The following PPM1J variants were observed in gnomAD, a reference collection of about 807,000 sequenced individuals.
PPM1J encodes the protein protein phosphatase, Mg2+/Mn2+ dependent 1J, also known as protein phosphatase 1J.
In PPM1J, 43 loss-of-function variants were observed where a neutral mutation model predicts 53.3. That is an observed-to-expected ratio of 0.81 (90% CI 0.63 to 1.04). The LOEUF (loss-of-function observed/expected upper bound fraction) is 1.04. Ranked by LOEUF, PPM1J falls within the 50% of genes least tolerant of loss-of-function variation. The pLI is 0.00. For synonymous variants in PPM1J, 267 were observed against 286.4 expected (o/e 0.93, Z 0.68); for missense variants, 635 against 685.9 (o/e 0.93, Z 0.83).
chr1:112,711,907 A>G (rs2101480819), intron 5 of PPM1J, 64 bp downstream of exon 5: 2 of 1,172,496 alleles, frequency 1.7e-6, no homozygotes, highest in Middle Eastern at 2.3e-4. Flanking sequence ...TCTCAGGGCC[A>G]TGGGGTGCAG....
chr1:112,711,147 C>G, intron 6 of PPM1J, 76 bp from the exon 7 acceptor site: 1 of 1,507,784 alleles, frequency 6.6e-7, no homozygotes, highest in African/African-American at 1.4e-5. Context: ...TACCCTCACA[C>G]AAACCCCTTA....
Position 112,710,106 on chromosome 1 carries a change from T to C in PPM1J, c.*57A>G, listed in dbSNP as rs1675021065. ...GGGTCAGGGAGACAACTTCAGAATT[T>C]GGGCTGTGAGAGGAGTAAGTATGGA... On this transcript the variant is annotated 3_prime_UTR_variant, in exon 10 of 10. Transcript: ENST00000309276. 3.3e-6 allele frequency: 5 copies of C among 1,494,820 alleles called. No homozygotes were observed. The African/African-American group carries it at 5.6e-5, about 17-fold the overall frequency. The allele number at this position is 1,494,820 out of a possible 1,614,324, so 92.6% of individuals were successfully genotyped here.
intron 1 of PPM1J, chr1:112,714,712 G>A: frequency 8.1e-7 from 1 of 1,231,344 alleles, no homozygotes; most frequent in Non-Finnish European, 1.0e-6. Flanking sequence ...TCCGGGCTCT[G>A]GGGCAGAACA....
At position 112,715,165 on chromosome 1, in the gene PPM1J, G is replaced by C; in HGVS notation, c.137C>G (p.Pro46Arg). The C allele has an allele frequency of 6.6e-7, 1 of 1,523,212 alleles. No individual in the cohort carries two copies. Among genetic ancestry groups the C allele is most frequent in the African/African-American group, 1.4e-5 (1 of 69,842 alleles). 94.4% of individuals were successfully genotyped at this position (1,523,212 alleles called of 1,614,324 possible). ...PAAAPEAPRSPPAKAGSGSAT... is the reference protein window; with the variant it reads ...PAAAPEAPRSRPAKAGSGSAT... ...GCTCCCGCTCCCAGCCTTCGCGGGA[G>C]GGCTCCTGGGCGCTTCTGGAGCGGC... Residue 46 changes from proline to arginine, a missense_variant, in exon 1 of 10, where the codon CCT becomes CGT. By Grantham distance (103) the Pro-to-Arg change is moderately radical. Coordinates refer to ENST00000309276, the MANE Select transcript of PPM1J (RefSeq NM_005167.7). This position sits in a 1 kb window ranked among gnomAD's most constrained non-coding sequence, Gnocchi z 4.4.
At position 112,712,335 on chromosome 1, in the gene PPM1J, TC is replaced by T; in HGVS notation, c.842+9del. The T allele has an allele frequency of 6.3e-7, 1 of 1,594,986 alleles. No individual in the cohort carries two copies. Among genetic ancestry groups the T allele is most frequent in the Non-Finnish European group, 8.6e-7 (1 of 1,168,602 alleles). ...CCTCTGTCGCCACCTTGGAGCCCCC[TC>T]CCCCATACCTGCTATCGCCTGCATT... On this transcript the variant is annotated intron_variant, in intron 4 of 9. Transcript: ENST00000309276.
At position 112,715,031 on chromosome 1, in the gene PPM1J, C is replaced by G. The variant is rs758319278; in HGVS notation, c.271G>C (p.Val91Leu). 2.2e-5 allele frequency: 33 copies of G among 1,516,164 alleles called. No homozygotes were observed. The highest frequency in any genetic ancestry group is 2.7e-5 in the Non-Finnish European group (31 of 1,140,554). 93.9% of individuals were successfully genotyped at this position (1,516,164 alleles called of 1,614,324 possible). A position where few individuals can be genotyped will look rare whatever the true frequency, so the allele number is the denominator to read the frequency against. ...RRADDHAGRAVQSPPDTGRRL... is the reference protein window; with the variant it reads ...RRADDHAGRALQSPPDTGRRL... Reference sequence around the variant, plus strand: ...CGGCCCGTGTCCGGGGGGCTTTGCACAGCCCGGCCCGCGTGGTCATCGGCG... The same window carrying G: ...CGGCCCGTGTCCGGGGGGCTTTGCAGAGCCCGGCCCGCGTGGTCATCGGCG... Residue 91 changes from valine to leucine, a missense_variant, in exon 1 of 10, where the codon GTG becomes CTG. Transcript: ENST00000309276. This position sits in a 1 kb window ranked among gnomAD's most constrained non-coding sequence, Gnocchi z 4.4.
chr1:112,712,399 A>T lies in PPM1J; in HGVS notation c.788T>A (p.Leu263Gln). 1.2e-6 allele frequency: 2 copies of T among 1,613,776 alleles called. No homozygotes were observed. Among genetic ancestry groups the T allele is most frequent in the Non-Finnish European group, 1.7e-6 (2 of 1,179,902 alleles). ...GHQVEGGCCA[L>Q]VVIYLLGKVY... ...CTTGCCTAGCAGGTAGATCACAACCAGTGCACAGCAGCCCCCCTCCACTTG... is the reference window on the plus strand; with the variant it reads ...CTTGCCTAGCAGGTAGATCACAACCTGTGCACAGCAGCCCCCCTCCACTTG... The change falls in exon 4 of 10, where the codon CTG becomes CAG. Residue 263 changes from leucine (L) to glutamine (Q), a missense_variant. Coordinates refer to ENST00000309276, the MANE Select transcript of PPM1J (RefSeq NM_005167.7).
rs1675102718 is a variant in PPM1J at position 112,712,958 on chromosome 1, A to G, written c.515T>C (p.Leu172Pro). 1.2e-6 allele frequency: 2 copies of G among 1,613,736 alleles called. No homozygotes were observed. Among genetic ancestry groups the G allele is most frequent in the East Asian group, 2.2e-5 (1 of 44,888 alleles). The change falls in exon 3 of 10, where the codon CTC (leucine) becomes CCC (proline). Residue 172 changes from leucine to proline, a missense_variant. Transcript: ENST00000309276. ...GGGAAEMASR[L>P]LHRHIREQLK... ...CTGCTCTCGGATATGGCGATGCAGG[A>G]GCCGTGAGGCCATTTCAGCAGCTCC...
Position 112,714,963 on chromosome 1 carries a change from A to AG in PPM1J, c.326+12dup. 7.2e-7 allele frequency: 1 copy of AG among 1,385,008 alleles called. No individual in the cohort carries two copies. The highest frequency in any genetic ancestry group is 3.0e-5 in the East Asian group (1 of 33,116). 85.8% of individuals were successfully genotyped at this position (1,385,008 alleles called of 1,614,324 possible). On this transcript the variant is annotated intron_variant, in intron 1 of 9. Coordinates refer to ENST00000309276, the MANE Select transcript of PPM1J (RefSeq NM_005167.7). ...AGCCCCATCCTGGTTTGGGTGCCCC[A>AG]GGGGGCGCTCACTCGGCGTAGCCTG...
chr1:112,711,918 G>A, intron 5 of PPM1J, 53 bp downstream of exon 5: 2 of 1,295,250 alleles, frequency 1.5e-6, no homozygotes. Flanking sequence ...TGGGGTGCAG[G>A]GAGGCACAAG....
At chr1:112,713,407 G>A in intron 2 of PPM1J, 90 bp downstream of exon 2, 3 of 872,782 alleles carry the variant, frequency 3.4e-6, no homozygotes, top group Non-Finnish European at 5.8e-6. Flanking sequence ...GAGTTCATCA[G>A]GTCTTCCGCA....
chr1:112,710,327 T>C lies in PPM1J; in HGVS notation c.1371-17A>G. 1.2e-6 allele frequency: 2 copies of C among 1,613,032 alleles called. No homozygotes were observed. The highest frequency in any genetic ancestry group is 1.7e-6 in the Non-Finnish European group (2 of 1,179,634). ...GCTGTATACCTGCCAGGAGCACACA[T>C]GCACATTCATGTACCAACATGTATG... On this transcript the variant is annotated splice_polypyrimidine_tract_variant and intron_variant, in intron 9 of 9. Transcript: ENST00000309276.
rs189272703 is a variant in PPM1J, at chr1:112,712,069, G to C, written c.843-14C>G. The C allele has an allele frequency of 8.6e-3, 13,742 of 1,598,166 alleles. 72 individuals are homozygous for C. The highest frequency in any genetic ancestry group is 0.014 in the Middle Eastern group (83 of 6,004). On this transcript the variant is annotated splice_polypyrimidine_tract_variant and intron_variant, in intron 4 of 9. Transcript: ENST00000309276. ...ACAATGATGGCCCTGCCCAAAGAAA[G>C]AAAAGGAATTGGGACCTGGTTCTCT... is the stretch of plus-strand genomic sequence containing the variant.
rs1417737362 is a variant in PPM1J at position 112,713,428 on chromosome 1, T to A, written c.441+69A>T. The A allele has an allele frequency of 1.1e-5, 13 of 1,135,924 alleles. No homozygotes were observed. The Admixed American group carries it at 1.4e-4, about 12-fold the overall frequency. 70.4% of individuals were successfully genotyped at this position (1,135,924 alleles called of 1,614,324 possible). On this transcript the variant is annotated intron_variant, in intron 2 of 9. Transcript: ENST00000309276. ...ATCAGGTCTTCCGCATGGCTCAGAT[T>A]TAAAACCAGAGGCCTGAGTCCCTGG...
At chr1:112,711,160 A>T (rs1675047441) in intron 6 of PPM1J, 89 bp from the exon 7 acceptor site, 1 of 1,477,718 alleles carries the variant, frequency 6.8e-7, no homozygotes, top group Non-Finnish European at 9.5e-7. Context: ...ACCCCTTAGA[A>T]GGGCCACATC....
chr1:112,710,601 T>C lies in PPM1J; in HGVS notation c.1229A>G (p.Tyr410Cys), dbSNP rs1178193074. Residue 410 changes from tyrosine to cysteine, a missense_variant, in exon 9 of 10, where the codon TAT becomes TGT. Transcript: ENST00000309276. ...FLSCFPEVRV[Y>C]DLTQYEHCPD... is the part of the protein sequence containing the mutation. The stretch of plus-strand genomic sequence containing the variant: ...GCAGTGCTCATATTGTGTCAGGTCA[T>C]ACACTCGTACCTGGTGGGAGAAAAG... The C allele has an allele frequency of 1.2e-6, 2 of 1,614,136 alleles. No individual in the cohort carries two copies. Among genetic ancestry groups the C allele is most frequent in the Non-Finnish European group, 8.5e-7 (1 of 1,180,018 alleles).
chr1:112,713,164 G>T, intron 2 of PPM1J, 133 bp from the exon 3 acceptor site: 1 of 878,030 alleles, frequency 1.1e-6, no homozygotes, highest in Non-Finnish European at 1.7e-6. Flanking sequence ...GTTTGCTACT[G>T]AAGGCAAATT....
rs1675039843 is a variant in PPM1J at position 112,710,860 on chromosome 1, AATG to A, written c.1111-12_1111-10del. Reference sequence around the variant, plus strand: ...GTGGCCATCACCCGAGCCTGAAAGAAATGAGGAGGGAGTGCCACTGTAGTCCTC... The same window carrying A: ...GTGGCCATCACCCGAGCCTGAAAGAAAGGAGGGAGTGCCACTGTAGTCCTC... On this transcript the variant is annotated splice_polypyrimidine_tract_variant and intron_variant, in intron 7 of 9. Transcript: ENST00000309276. 6.2e-7 allele frequency: 1 copy of A among 1,613,192 alleles called. No homozygotes were observed. Among genetic ancestry groups the A allele is most frequent in the Non-Finnish European group, 8.5e-7 (1 of 1,179,244 alleles).
intron 7 of PPM1J, 66 bp downstream of exon 7, chr1:112,710,942 C>G (rs1675041330): frequency 1.9e-6 from 3 of 1,578,238 alleles, no homozygotes; most frequent in Admixed American, 1.7e-5. Context: ...CAGGTAGAAC[C>G]TCCACCTCCC....
Sources: allele counts gnomAD v4.1 joint callset, GRCh38; gene constraint gnomAD v4.1.1; non-coding constraint Gnocchi (gnomAD v3.1); transcripts MANE v1.5; gene names NCBI Gene and HGNC (gene_info 2026-07-23, HGNC 2026-07-21).